Variants in CADM2 observed in about 807,000 individuals in gnomAD.
The protein encoded by CADM2 is immunoglobulin superfamily member 4D.
A neutral mutation model predicts 49.8 loss-of-function variants in CADM2; 12 were observed. The observed-to-expected ratio is 0.24, with a 90% CI of 0.15 to 0.39. The LOEUF is 0.39. CADM2 is among the 10% of genes least tolerant of loss of function. The pLI is 1.00. For synonymous variants in CADM2, 214 were observed against 175.4 expected, an observed-to-expected ratio of 1.22 and a Z score of -1.74; for missense variants, 378 against 492.3, an observed-to-expected ratio of 0.77 and a Z score of 2.20.
chr3:85,791,549 A>T (rs1423178640), intron 2 of CADM2, among the ~76,000 whole-genome samples: 36 of 137,482 alleles, frequency 2.6e-4, no homozygotes, highest in Non-Finnish European at 2.8e-4. Flanking sequence ...AGAGAAAGAG[A>T]GAGAGAGAGA....
chr3:85,623,287 A>C (rs1052806263), intron 1 of CADM2, among the ~76,000 whole-genome samples: 3 of 152,098 alleles, frequency 2.0e-5, no homozygotes, highest in African/African-American at 7.2e-5. Flanking sequence ...TTTGATAATC[A>C]CCTTGTTTAT....
At chr3:85,927,869 C>A (rs933030449) in intron 6 of CADM2, among the ~76,000 whole-genome samples, 1 of 152,030 alleles carries the variant, frequency 6.6e-6, no homozygotes, top group African/African-American at 2.4e-5. Context: ...ACATTTAACT[C>A]AAAGCTTCTT....
intron 1 of CADM2, among the ~76,000 whole-genome samples, chr3:85,226,360 T>C (rs1031938586): frequency 6.6e-6 from 1 of 152,118 alleles, no homozygotes; most frequent in African/African-American, 2.4e-5. Context: ...GGAGGGTGTA[T>C]GTGTCCAGGA....
chr3:85,183,332 T>G (rs1164178854), intron 1 of CADM2, among the ~76,000 whole-genome samples: 4 of 152,180 alleles, frequency 2.6e-5, no homozygotes, highest in Non-Finnish European at 5.9e-5. Flanking sequence ...CATTTTGCAA[T>G]ACATTCTGTT....
At chr3:86,004,399 C>G (rs1447572676) in intron 8 of CADM2, among the ~76,000 whole-genome samples, 3 of 152,136 alleles carry the variant, frequency 2.0e-5, no homozygotes, top group African/African-American at 7.2e-5. Context: ...GTCACTATGT[C>G]TTTGTCAAAA....
At chr3:85,358,273 G>T (rs2032039953) in intron 1 of CADM2, among the ~76,000 whole-genome samples, 1 of 151,972 alleles carries the variant, frequency 6.6e-6, no homozygotes, top group South Asian at 2.1e-4. Flanking sequence ...ACTCCTGGTG[G>T]AGAACATTGT....
chr3:85,375,101 C>T (rs1214196096), intron 1 of CADM2, among the ~76,000 whole-genome samples: 1 of 152,128 alleles, frequency 6.6e-6, no homozygotes, highest in African/African-American at 2.4e-5. Context: ...TGATTTAATA[C>T]ATATTTTCCT....
At chr3:86,050,010 C>T (rs1737157233) in intron 8 of CADM2, among the ~76,000 whole-genome samples, 1 of 152,162 alleles carries the variant, frequency 6.6e-6, no homozygotes, top group Non-Finnish European at 1.5e-5. Context: ...AAACTTGTAA[C>T]TTATTCCACC....
chr3:85,166,450 G>A (rs568441291), intron 1 of CADM2, among the ~76,000 whole-genome samples: 1 of 151,842 alleles, frequency 6.6e-6, no homozygotes, highest in East Asian at 1.9e-4. Context: ...ATCCTATTCA[G>A]ATTTACATGA....
chr3:85,050,669 A>C lies in CADM2; in HGVS notation c.61+91001A>C, dbSNP rs542970403. ...GGTAGCAGATGCATTTCTAGAATGGAATTAACCTCAGTTATTTAAGATAAC... is the reference window on the plus strand; with the variant it reads ...GGTAGCAGATGCATTTCTAGAATGGCATTAACCTCAGTTATTTAAGATAAC... On this transcript the variant is annotated intron_variant, in intron 1 of 9. Coordinates refer to ENST00000383699, the MANE Select transcript of CADM2 (RefSeq NM_001167675.2). Among the ~76,000 whole-genome samples the C allele has an allele frequency of 2.6e-5, 4 of 152,318 alleles. No homozygotes were observed. The South Asian group carries it at 6.2e-4, about 24-fold the overall frequency.
intron 8 of CADM2, among the ~76,000 whole-genome samples, chr3:86,043,153 G>T (rs151193812): frequency 3.3e-5 from 5 of 151,976 alleles, no homozygotes; most frequent in African/African-American, 1.2e-4. Context: ...GGAAGCATTC[G>T]CTTTGAAAAC....
intron 8 of CADM2, among the ~76,000 whole-genome samples, chr3:85,997,975 G>T (rs1729638429): frequency 6.6e-6 from 1 of 152,014 alleles, no homozygotes; most frequent in Admixed American, 6.6e-5. Flanking sequence ...CTTTTATTTT[G>T]CATTGAACAT....
chr3:85,892,032 G>T (rs1226010601), intron 5 of CADM2, among the ~76,000 whole-genome samples: 1 of 152,124 alleles, frequency 6.6e-6, no homozygotes, highest in Non-Finnish European at 1.5e-5. Context: ...TTTTTTCATG[G>T]TCACACATCT....
intron 2 of CADM2, among the ~76,000 whole-genome samples, chr3:85,788,081 C>T (rs534412853): frequency 6.6e-6 from 1 of 152,068 alleles, no homozygotes; most frequent in South Asian, 2.1e-4. Flanking sequence ...GTTTTACTTT[C>T]CTTAGGCTGT....
At chr3:85,361,378 G>A (rs2107280176) in intron 1 of CADM2, among the ~76,000 whole-genome samples, 1 of 152,228 alleles carries the variant, frequency 6.6e-6, no homozygotes, top group Admixed American at 6.5e-5. Flanking sequence ...TCTTTTTATT[G>A]TTTGCATTGG....
chr3:85,071,656 T>C (rs867356482), intron 1 of CADM2, among the ~76,000 whole-genome samples: 8 of 152,106 alleles, frequency 5.3e-5, no homozygotes, highest in African/African-American at 1.9e-4. Flanking sequence ...CTTTGAACAA[T>C]GGCAATATAT....
intron 1 of CADM2, among the ~76,000 whole-genome samples, chr3:85,251,791 T>C (rs1191738149): frequency 1.3e-5 from 2 of 152,004 alleles, no homozygotes; most frequent in Non-Finnish European, 2.9e-5. Context: ...ACTCACTTTG[T>C]GTTTTCAAAT....
intron 1 of CADM2, among the ~76,000 whole-genome samples, chr3:84,973,547 T>G (rs1236256867): frequency 6.6e-6 from 1 of 152,168 alleles, no homozygotes; most frequent in Non-Finnish European, 1.5e-5. Flanking sequence ...TCATTTAATT[T>G]CATAAAGACT....
At chr3:85,366,312 G>T (rs1326463158) in intron 1 of CADM2, among the ~76,000 whole-genome samples, 1 of 152,164 alleles carries the variant, frequency 6.6e-6, no homozygotes, top group Admixed American at 6.6e-5. Flanking sequence ...AGAACAGATT[G>T]TAAATCTCTG....
Sources: allele counts gnomAD v4.1 joint callset (sites outside exome capture counted in the v4.1 genomes callset), GRCh38; gene constraint gnomAD v4.1.1; transcripts MANE v1.5; gene names NCBI Gene and HGNC (gene_info 2026-07-23, HGNC 2026-07-21).